Variants in EBF1 observed in about 807,000 individuals in gnomAD.
The protein encoded by EBF1 is EBF transcription factor 1.
In EBF1, 10 loss-of-function variants were observed where a neutral mutation model predicts 68.4. The ratio of observed to expected loss-of-function variants is 0.15; its 90% CI spans 0.09 to 0.25. The LOEUF (loss-of-function observed/expected upper bound fraction) is 0.25, where lower values mean the gene tolerates loss of function less well. Among genes scored for constraint, EBF1 ranks in the 10% least tolerant of loss-of-function variants. EBF1 has a pLI of 1.00. For missense variants in EBF1, 509 were observed against 794.4 expected, an observed-to-expected ratio of 0.64 and a Z score of 4.32; for synonymous variants, 298 against 299.8, an observed-to-expected ratio of 0.99 and a Z score of 0.06.
chr5:158,874,560 A>G (rs1309826921), intron 6 of EBF1, among the ~76,000 whole-genome samples: 2 of 152,220 alleles, frequency 1.3e-5, no homozygotes, highest in Admixed American at 6.5e-5. Flanking sequence ...TCAATAGTAC[A>G]AAACAAAAGG....
intron 6 of EBF1, among the ~76,000 whole-genome samples, chr5:159,025,283 G>A (rs1767482132): frequency 6.6e-6 from 1 of 152,172 alleles, no homozygotes; most frequent in Non-Finnish European, 1.5e-5. Flanking sequence ...TACACAGTCT[G>A]ATAGATGTTA....
At chr5:158,910,239 G>T (rs938729666) in intron 6 of EBF1, among the ~76,000 whole-genome samples, 10 of 152,096 alleles carry the variant, frequency 6.6e-5, no homozygotes, top group African/African-American at 2.2e-4. Flanking sequence ...TCAGAAACAG[G>T]GTGGCCACCC....
intron 6 of EBF1, among the ~76,000 whole-genome samples, chr5:158,938,130 T>C (rs1268898651): frequency 6.6e-5 from 10 of 152,214 alleles, no homozygotes; most frequent in Admixed American, 6.5e-4. Flanking sequence ...CTTGTTTTGT[T>C]TGAGACCCTT....
At chr5:158,855,182 G>A (rs979699053) in intron 6 of EBF1, among the ~76,000 whole-genome samples, 2 of 152,176 alleles carry the variant, frequency 1.3e-5, no homozygotes, top group Admixed American at 6.5e-5. Context: ...TCAAAAACAG[G>A]TATTCAAACT....
At chr5:158,930,139 C>A (rs898097906) in intron 6 of EBF1, among the ~76,000 whole-genome samples, 1 of 151,728 alleles carries the variant, frequency 6.6e-6, no homozygotes, top group African/African-American at 2.4e-5. Context: ...GTTAGAAATA[C>A]GAAATGCAAG....
chr5:159,061,173 A>G (rs980334700), intron 6 of EBF1, among the ~76,000 whole-genome samples: 21 of 152,246 alleles, frequency 1.4e-4, no homozygotes, highest in South Asian at 1.2e-3. Context: ...CTCGACATTT[A>G]ATACAGGGTG....
At chr5:159,067,151 T>C (rs998565060) in intron 6 of EBF1, among the ~76,000 whole-genome samples, 2 of 150,360 alleles carry the variant, frequency 1.3e-5, no homozygotes, top group Non-Finnish European at 3.0e-5. Flanking sequence ...TTGGAGAGAG[T>C]TTTTCCCCCC....
At chr5:158,791,235 C>T (rs1778535855) in intron 9 of EBF1, among the ~76,000 whole-genome samples, 1 of 149,582 alleles carries the variant, frequency 6.7e-6, no homozygotes, top group Non-Finnish European at 1.5e-5. Flanking sequence ...AGGAGAATCG[C>T]TTGAACCTGG....
chr5:158,924,722 G>T (rs1809224300), intron 6 of EBF1, among the ~76,000 whole-genome samples: 1 of 150,880 alleles, frequency 6.6e-6, no homozygotes, highest in Non-Finnish European at 1.5e-5. Flanking sequence ...GCGTGGTGGC[G>T]GGCGCCTGTA....
At chr5:158,802,375 C>T (rs990658256) in intron 8 of EBF1, among the ~76,000 whole-genome samples, 1 of 152,096 alleles carries the variant, frequency 6.6e-6, no homozygotes, top group African/African-American at 2.4e-5. Flanking sequence ...ATAAAATGTA[C>T]AAATTTAGAA....
At chr5:158,733,568 TC>T (rs1187668625) in intron 10 of EBF1, among the ~76,000 whole-genome samples, 4 of 152,178 alleles carry the variant, frequency 2.6e-5, no homozygotes, top group Non-Finnish European at 5.9e-5. Flanking sequence ...GAGAAGTCAT[TC>T]GGCTGCCACA....
At chr5:158,709,369 C>G (rs1758643945) in intron 14 of EBF1, among the ~76,000 whole-genome samples, 1 of 151,674 alleles carries the variant, frequency 6.6e-6, no homozygotes, top group African/African-American at 2.4e-5. Context: ...CAAGCTGGGA[C>G]TCAGAAAGTA....
chr5:159,008,539 TAAGACA>T, intron 6 of EBF1, among the ~76,000 whole-genome samples: 1 of 149,794 alleles, frequency 6.7e-6, no homozygotes. Context: ...TTTTTTTTTT[TAAGACA>T]GAGTCTTGCT....
chr5:158,918,255 T>C (rs1807641547), intron 6 of EBF1, among the ~76,000 whole-genome samples: 1 of 152,232 alleles, frequency 6.6e-6, no homozygotes, highest in Non-Finnish European at 1.5e-5. Context: ...GTGAAGGAAG[T>C]TGGTCTCCAT....
intron 6 of EBF1, among the ~76,000 whole-genome samples, chr5:159,026,667 G>T (rs1177070969): frequency 6.6e-6 from 1 of 152,160 alleles, no homozygotes; most frequent in Non-Finnish European, 1.5e-5. Flanking sequence ...TAGAAGGCAT[G>T]CATGTTCTCA....
chr5:158,988,291 A>G (rs1561718264), intron 6 of EBF1, among the ~76,000 whole-genome samples: 1 of 151,466 alleles, frequency 6.6e-6, no homozygotes, highest in South Asian at 2.1e-4. Context: ...TCCATTCTTC[A>G]TGGTCTTAGG....
rs185727117 is a variant in EBF1 at position 159,075,742 on chromosome 5, C to G, written c.486-2278G>C. ...GACTTTTTAATGGCTTCCCACTGCA[C>G]TTAGAACAAATCCATGACATGACAT... On this transcript the variant is annotated intron_variant, in intron 5 of 15. Transcript: ENST00000313708. Among the ~76,000 whole-genome samples, 201 of 152,316 alleles carry G rather than the reference C, an allele frequency of 1.3e-3. 1 individual carries two copies. Among genetic ancestry groups the G allele is most frequent in the African/African-American group, 4.5e-3 (186 of 41,580 alleles).
chr5:158,775,044 G>A (rs544278686), intron 10 of EBF1, among the ~76,000 whole-genome samples: 11 of 150,700 alleles, frequency 7.3e-5, no homozygotes, highest in Admixed American at 5.3e-4. Context: ...ATCACCAGAA[G>A]CATTTTTTCA....
intron 6 of EBF1, among the ~76,000 whole-genome samples, chr5:159,046,603 T>C (rs1459235035): frequency 6.6e-6 from 1 of 152,168 alleles, no homozygotes; most frequent in East Asian, 1.9e-4. Flanking sequence ...TGAGCGTCTT[T>C]CTTTTTTTAA....
Sources: allele counts gnomAD v4.1 joint callset (sites outside exome capture counted in the v4.1 genomes callset), GRCh38; gene constraint gnomAD v4.1.1; transcripts MANE v1.5; gene names NCBI Gene and HGNC (gene_info 2026-07-23, HGNC 2026-07-21).